The following MCC variants were observed in gnomAD, a reference collection of about 807,000 sequenced individuals.
The protein encoded by MCC is colorectal mutant cancer protein.
In MCC, 90 loss-of-function variants were observed where a neutral mutation model predicts 116.2. The observed-to-expected ratio is 0.77, with a 90% CI of 0.65 to 0.92. MCC has a LOEUF of 0.92. MCC is among the 40% of genes least tolerant of loss of function. The pLI is 0.00. For synonymous variants in MCC, 578 were observed against 510.5 expected (o/e 1.13, Z -1.78); for missense variants, 1,516 against 1,312.2 (o/e 1.16, Z -2.40).
chr5:113,170,523 G>C (rs769159310), intron 3 of MCC, among the ~76,000 whole-genome samples: 1 of 151,968 alleles, frequency 6.6e-6, no homozygotes, highest in Non-Finnish European at 1.5e-5. Context: ...GTCCCTATCT[G>C]CTTGTGGGAA....
chr5:113,073,876 C>T (rs1488545033), intron 11 of MCC, among the ~76,000 whole-genome samples: 3 of 152,206 alleles, frequency 2.0e-5, no homozygotes, highest in Admixed American at 2.0e-4. Flanking sequence ...AACAAAGTGG[C>T]TGGGAAGCTC....
chr5:113,288,526 C>T (rs1410526790), intron 3 of MCC, among the ~76,000 whole-genome samples: 1 of 152,146 alleles, frequency 6.6e-6, no homozygotes, highest in Non-Finnish European at 1.5e-5. Flanking sequence ...TCTGGAAAGT[C>T]AATGCTTTGA....
intron 3 of MCC, among the ~76,000 whole-genome samples, chr5:113,183,875 C>T (rs777727892): frequency 1.3e-5 from 2 of 152,178 alleles, no homozygotes; most frequent in African/African-American, 2.4e-5. Context: ...GCCCTTTCCA[C>T]ATGACTGCTG....
intron 14 of MCC, among the ~76,000 whole-genome samples, chr5:113,054,401 G>A (rs1328338717): frequency 6.6e-6 from 1 of 152,172 alleles, no homozygotes; most frequent in Admixed American, 6.5e-5. Context: ...TATTATATAT[G>A]TAATAAAAAA....
At chr5:113,341,195 C>T (rs1768001096) in intron 2 of MCC, among the ~76,000 whole-genome samples, 1 of 152,030 alleles carries the variant, frequency 6.6e-6, no homozygotes, top group African/African-American at 2.4e-5. Context: ...TTCCTTCCTT[C>T]CTTCCTCTCT....
At chr5:113,279,852 T>A (rs1765968700) in intron 3 of MCC, among the ~76,000 whole-genome samples, 1 of 152,256 alleles carries the variant, frequency 6.6e-6, no homozygotes, top group Admixed American at 6.5e-5. Flanking sequence ...CAATATGTTT[T>A]AAAAAGTATA....
chr5:113,184,472 G>GTTTTTTTTTTTTTTTTTTTTTTTT lies in MCC; in HGVS notation c.628-33051_628-33050insAAAAAAAAAAAAAAAAAAAAAAAA, dbSNP rs200787776. Among the ~76,000 whole-genome samples the GTTTTTTTTTTTTTTTTTTTTTTTT allele has an allele frequency of 6.5e-5, 8 of 123,798 alleles. 2 individuals carry two copies. Among genetic ancestry groups the GTTTTTTTTTTTTTTTTTTTTTTTT allele is most frequent in the Admixed American group, 1.9e-4 (2 of 10,552 alleles). 81.2% of individuals were successfully genotyped at this position (123,798 alleles called of 152,430 possible). On this transcript the variant is annotated intron_variant, in intron 3 of 18. Coordinates refer to ENST00000408903, the MANE Select transcript of MCC (RefSeq NM_001085377.2). ...ACATAGCAATTTAGTTTCTTTCTTCGTTTTTTGTTTTTTTTTTTTTTTTTT... is the reference window on the plus strand; with the variant it reads ...ACATAGCAATTTAGTTTCTTTCTTCGTTTTTTTTTTTTTTTTTTTTTTTTTTTTTTGTTTTTTTTTTTTTTTTTT...
chr5:113,400,524 T>C (rs1769656186), intron 1 of MCC, among the ~76,000 whole-genome samples: 1 of 152,178 alleles, frequency 6.6e-6, no homozygotes, highest in African/African-American at 2.4e-5. Context: ...AATCAGTAAA[T>C]TAACATTTGG....
chr5:113,060,363 C>T (rs1329182125), intron 14 of MCC, among the ~76,000 whole-genome samples: 5 of 152,106 alleles, frequency 3.3e-5, no homozygotes, highest in Non-Finnish European at 7.4e-5. Context: ...CTATGTTGTC[C>T]AGGGTGGTCT....
chr5:113,124,732 A>G (rs1018467145), intron 5 of MCC, among the ~76,000 whole-genome samples: 5 of 152,244 alleles, frequency 3.3e-5, no homozygotes, highest in African/African-American at 1.2e-4. Flanking sequence ...ACCATACCAC[A>G]TTAAGCAGTA....
At chr5:113,198,706 CAAAA>C (rs530273754) in intron 3 of MCC, among the ~76,000 whole-genome samples, 4 of 99,902 alleles carry the variant, frequency 4.0e-5, no homozygotes, top group Admixed American at 1.9e-4. Flanking sequence ...ACCCCCACCT[CAAAA>C]AAAAAAAAAA....
chr5:113,332,884 C>A (rs534324636), intron 3 of MCC, among the ~76,000 whole-genome samples: 1 of 151,574 alleles, frequency 6.6e-6, no homozygotes, highest in Non-Finnish European at 1.5e-5. Context: ...GGATCTAATA[C>A]GACTTTGAAA....
At chr5:113,101,120 C>T (rs771029321) in intron 8 of MCC, among the ~76,000 whole-genome samples, 37 of 152,136 alleles carry the variant, frequency 2.4e-4, no homozygotes, top group Non-Finnish European at 4.4e-4. Flanking sequence ...GATACTCAAA[C>T]TAGGTCAGGC....
At chr5:113,044,193 A>C (rs1751919154) in intron 16 of MCC, among the ~76,000 whole-genome samples, 2 of 152,214 alleles carry the variant, frequency 1.3e-5, no homozygotes. Flanking sequence ...AAACTCCTTT[A>C]GATTTAGGAG....
At chr5:113,446,047 CAGA>C (rs1214445604) in intron 1 of MCC, among the ~76,000 whole-genome samples, 1 of 152,122 alleles carries the variant, frequency 6.6e-6, no homozygotes, top group Non-Finnish European at 1.5e-5. Flanking sequence ...TAGCCATATG[CAGA>C]AGAATTCAAC....
intron 3 of MCC, among the ~76,000 whole-genome samples, chr5:113,169,009 G>A (rs574417720): frequency 6.6e-6 from 1 of 152,182 alleles, no homozygotes; most frequent in Non-Finnish European, 1.5e-5. Flanking sequence ...TTTAAGACAA[G>A]CCCTCTGTGC....
chr5:113,222,200 T>A (rs1449094803), intron 3 of MCC, among the ~76,000 whole-genome samples: 1 of 152,242 alleles, frequency 6.6e-6, no homozygotes, highest in Admixed American at 6.5e-5. Flanking sequence ...TCTTCTTTAG[T>A]CTGTTAATAT....
chr5:113,285,336 T>G (rs1364580609), intron 3 of MCC, among the ~76,000 whole-genome samples: 1 of 143,182 alleles, frequency 7.0e-6, no homozygotes, highest in Non-Finnish European at 1.5e-5. Context: ...CATCTCCCCC[T>G]GCCTACCCCG....
rs188623140 is a variant in MCC at position 113,318,817 on chromosome 5, C to T, written c.627+21702G>A. ...ATGTAACAAACCTCCACGTGTGCCCCGGAACTTAAAATAAAAGTTAAAAAA... is the reference window on the plus strand; with the variant it reads ...ATGTAACAAACCTCCACGTGTGCCCTGGAACTTAAAATAAAAGTTAAAAAA... On this transcript the variant is annotated intron_variant, in intron 3 of 18. Coordinates refer to ENST00000408903, the MANE Select transcript of MCC (RefSeq NM_001085377.2). Among the ~76,000 whole-genome samples, 109 of 152,026 alleles carry T rather than the reference C, an allele frequency of 7.2e-4. 1 individual carries two copies. The East Asian group carries it at 0.016, about 22-fold the overall frequency.
Sources: allele counts gnomAD v4.1 joint callset (sites outside exome capture counted in the v4.1 genomes callset), GRCh38; gene constraint gnomAD v4.1.1; transcripts MANE v1.5; gene names NCBI Gene and HGNC (gene_info 2026-07-23, HGNC 2026-07-21).